B3GAT2: variants seen among roughly 807,000 people sequenced by gnomAD.
B3GAT2 encodes the protein galactosylgalactosylxylosylprotein 3-beta-glucuronosyltransferase 2.
A neutral mutation model predicts 27.8 loss-of-function variants in B3GAT2; 26 were observed. That is an observed-to-expected ratio of 0.93 (90% CI 0.68 to 1.30). B3GAT2 has a LOEUF of 1.30. Ranked by LOEUF, B3GAT2 falls within the 50% of genes most tolerant of loss-of-function variation. B3GAT2 has a pLI of 0.00. For synonymous variants in B3GAT2, 218 were observed against 195.1 expected (o/e 1.12, Z -0.98); for missense variants, 458 against 459.0 (o/e 1.00, Z 0.02).
intron 2 of B3GAT2, among the ~76,000 whole-genome samples, chr6:70,866,015 G>C (rs558348013): frequency 5.9e-5 from 9 of 152,246 alleles, no homozygotes; most frequent in African/African-American, 1.4e-4. Context: ...GGATATGCAG[G>C]GTGGAGTACT....
Position 70,859,885 on chromosome 6 carries a change from G to GTAGT in B3GAT2, c.*1774_*1777dup, listed in dbSNP as rs1158299120. On this transcript the variant is annotated 3_prime_UTR_variant, in exon 4 of 4. Coordinates refer to ENST00000230053, the MANE Select transcript of B3GAT2 (RefSeq NM_080742.3). Reference sequence around the variant, plus strand: ...CTTCCTAAAATTTTCTTACTCCTTAGTAGTTAAAGCACAATATCCTAGTGT... The same window carrying GTAGT: ...CTTCCTAAAATTTTCTTACTCCTTAGTAGTTAGTTAAAGCACAATATCCTAGTGT... The GTAGT allele has an allele frequency of 4.6e-6, 1 of 219,498 alleles. No individual in the cohort carries two copies. Among genetic ancestry groups the GTAGT allele is most frequent in the Non-Finnish European group, 9.0e-6 (1 of 111,714 alleles). The allele number at this position is 219,498 out of a possible 1,614,324, so 13.6% of individuals were successfully genotyped here. A position where few individuals can be genotyped will look rare whatever the true frequency, so the allele number is the denominator to read the frequency against.
Position 70,860,236 on chromosome 6 carries a change from G to A in B3GAT2, c.*1427C>T. The stretch of plus-strand genomic sequence containing the variant: ...GATGGCTGGCATGAGTATCAGTAGT[G>A]CAACCCCTACTGCAGGTTTTGGCCA... On this transcript the variant is annotated 3_prime_UTR_variant, in exon 4 of 4. Transcript: ENST00000230053. 6.2e-7 allele frequency: 1 copy of A among 1,613,594 alleles called. No individual in the cohort carries two copies. Among genetic ancestry groups the A allele is most frequent in the South Asian group, 1.1e-5 (1 of 91,012 alleles).
intron 1 of B3GAT2, among the ~76,000 whole-genome samples, chr6:70,954,196 CTT>C (rs1239103038): frequency 6.6e-6 from 1 of 152,202 alleles, no homozygotes; most frequent in African/African-American, 2.4e-5. Flanking sequence ...AATGTACAGT[CTT>C]TGCTTCAGAT....
At chr6:70,895,419 A>G (rs904133683) in intron 1 of B3GAT2, among the ~76,000 whole-genome samples, 30 of 152,120 alleles carry the variant, frequency 2.0e-4, no homozygotes, top group Admixed American at 1.4e-3. Context: ...ATTAAAGAGT[A>G]AAAATAATTA....
At position 70,889,764 on chromosome 6, in the gene B3GAT2, C is replaced by G. The variant is rs186981084; in HGVS notation, c.736+4364G>C. On this transcript the variant is annotated intron_variant, in intron 2 of 3. Transcript: ENST00000230053. ...GCCTTTCCCAGATCAAATCTCTCCC[C>G]CTCTGCTCCATTAGAAACCTAATTT... 5.3e-4 allele frequency among the ~76,000 whole-genome samples: 81 copies of G among 151,834 alleles called. No individual in the cohort carries two copies. The East Asian group carries it at 0.011, about 20-fold the overall frequency.
chr6:70,903,180 T>C (rs1772537664), intron 1 of B3GAT2, among the ~76,000 whole-genome samples: 1 of 151,758 alleles, frequency 6.6e-6, no homozygotes, highest in Admixed American at 6.6e-5. Context: ...AACACCTATA[T>C]CTCACAAAAT....
Position 70,857,853 on chromosome 6 carries a change from G to A in B3GAT2, c.*3810C>T, listed in dbSNP as rs1771499131. The A allele has an allele frequency of 6.5e-7, 1 of 1,537,238 alleles. No individual in the cohort carries two copies. The highest frequency in any genetic ancestry group is 8.8e-7 in the Non-Finnish European group (1 of 1,137,016). ...AGTAGTTCAGAAAGGCAATTTTTCT[G>A]TGATTATAGAGATGAGTGCAACTAC... On this transcript the variant is annotated 3_prime_UTR_variant, in exon 4 of 4. Coordinates refer to ENST00000230053, the MANE Select transcript of B3GAT2 (RefSeq NM_080742.3).
At chr6:70,865,816 C>G (rs892014487) in intron 2 of B3GAT2, among the ~76,000 whole-genome samples, 1 of 152,114 alleles carries the variant, frequency 6.6e-6, no homozygotes, top group Non-Finnish European at 1.5e-5. Context: ...AAAAAAGTTT[C>G]CAGACATTGG....
chr6:70,951,366 GGCAAGCA>G (rs749653300), intron 1 of B3GAT2, among the ~76,000 whole-genome samples: 10 of 152,084 alleles, frequency 6.6e-5, no homozygotes, highest in Non-Finnish European at 1.0e-4. Flanking sequence ...GTAATTTAGA[GGCAAGCA>G]GAGTAGACAG....
intron 1 of B3GAT2, among the ~76,000 whole-genome samples, chr6:70,913,140 T>C (rs1314446944): frequency 6.6e-6 from 1 of 152,148 alleles, no homozygotes; most frequent in Non-Finnish European, 1.5e-5. Flanking sequence ...TGGTCTTTTA[T>C]ATCATTTTCC....
rs1765293747 is a variant in B3GAT2 at position 70,937,067 on chromosome 6, G to A, written c.591+18772C>T. 2.6e-5 allele frequency among the ~76,000 whole-genome samples: 4 copies of A among 152,010 alleles called. No individual in the cohort carries two copies. In the South Asian group the frequency reaches 8.3e-4, roughly 32 times the overall value. On this transcript the variant is annotated intron_variant, in intron 1 of 3. Coordinates refer to ENST00000230053, the MANE Select transcript of B3GAT2 (RefSeq NM_080742.3). ...ATAGACACAAAAAAATGATAAAGGG[G>A]ATATCACCACCGATCCCACAGAAAT... is the stretch of plus-strand genomic sequence containing the variant.
At chr6:70,939,594 G>A (rs1765354288) in intron 1 of B3GAT2, among the ~76,000 whole-genome samples, 1 of 151,784 alleles carries the variant, frequency 6.6e-6, no homozygotes, top group Non-Finnish European at 1.5e-5. Flanking sequence ...CATGTCCTTT[G>A]CAGGGACATG....
intron 1 of B3GAT2, among the ~76,000 whole-genome samples, chr6:70,899,517 T>G (rs750346722): frequency 2.6e-5 from 4 of 152,202 alleles, no homozygotes; most frequent in Non-Finnish European, 5.9e-5. Flanking sequence ...TAAATGCAGA[T>G]GACGTGGCGG....
chr6:70,916,281 C>G (rs1374266998), intron 1 of B3GAT2, among the ~76,000 whole-genome samples: 1 of 152,102 alleles, frequency 6.6e-6, no homozygotes, highest in Non-Finnish European at 1.5e-5. Context: ...AGTTGTTTAT[C>G]AGCTTAAGGA....
chr6:70,861,439 A>G lies in B3GAT2; in HGVS notation c.*224T>C, dbSNP rs1040364970. The G allele has an allele frequency of 7.6e-6, 4 of 529,418 alleles. No homozygotes were observed. The highest frequency in any genetic ancestry group is 1.9e-5 in the African/African-American group (1 of 52,876). The allele number at this position is 529,418 out of a possible 1,614,324, so 32.8% of individuals were successfully genotyped here. On this transcript the variant is annotated 3_prime_UTR_variant, in exon 4 of 4. Transcript: ENST00000230053. Reference sequence around the variant, plus strand: ...TTCCAATTTAGTTGTTGTAGAGAAAACATGCAGAACAAATGAAGACAAAAC... The same window carrying G: ...TTCCAATTTAGTTGTTGTAGAGAAAGCATGCAGAACAAATGAAGACAAAAC...
intron 1 of B3GAT2, among the ~76,000 whole-genome samples, chr6:70,932,355 C>A (rs1341344975): frequency 6.6e-6 from 1 of 152,030 alleles, no homozygotes. Context: ...AATATTGGTA[C>A]CAGTATTATT....
chr6:70,936,762 A>G (rs1765289139), intron 1 of B3GAT2, among the ~76,000 whole-genome samples: 1 of 152,170 alleles, frequency 6.6e-6, no homozygotes, highest in Non-Finnish European at 1.5e-5. Context: ...CAGTGTGTAG[A>G]GGGAAATTTA....
chr6:70,901,205 C>T (rs967261573), intron 1 of B3GAT2, among the ~76,000 whole-genome samples: 1 of 152,268 alleles, frequency 6.6e-6, no homozygotes, highest in East Asian at 1.9e-4. Context: ...TTATTGCATC[C>T]CCCTCCTAAT....
At chr6:70,935,979 C>T (rs1432421204) in intron 1 of B3GAT2, among the ~76,000 whole-genome samples, 1 of 151,378 alleles carries the variant, frequency 6.6e-6, no homozygotes, top group Non-Finnish European at 1.5e-5. Context: ...AGAGTCAAGA[C>T]CCATCAGTGT....
Sources: allele counts gnomAD v4.1 joint callset (sites outside exome capture counted in the v4.1 genomes callset), GRCh38; gene constraint gnomAD v4.1.1; transcripts MANE v1.5; gene names NCBI Gene and HGNC (gene_info 2026-07-23, HGNC 2026-07-21).